TP53BP1: variants seen among roughly 807,000 people sequenced by gnomAD.
The protein encoded by TP53BP1 is tumor protein p53 binding protein 1.
A neutral mutation model predicts 200.8 loss-of-function variants in TP53BP1; 61 were observed. The ratio of observed to expected loss-of-function variants is 0.30; its 90% CI spans 0.25 to 0.38. The LOEUF (loss-of-function observed/expected upper bound fraction) is 0.38, where lower values mean the gene tolerates loss of function less well. TP53BP1 is among the 10% of genes least tolerant of loss of function. TP53BP1 has a pLI of 1.00. For synonymous variants in TP53BP1, 822 were observed against 844.3 expected (o/e 0.97, Z 0.46); for missense variants, 2,144 against 2,371.9 (o/e 0.90, Z 2.00).
Position 43,455,966 on chromosome 15 carries a change from C to A in TP53BP1, c.2642G>T (p.Ser881Ile). Residue 881 changes from serine (S) to isoleucine (I), a missense_variant, in exon 12 of 28, where the codon AGC becomes ATC. Ser to Ile is a moderately radical substitution (Grantham distance 142, BLOSUM62 -2). Transcript: ENST00000382044. ...CAGCTTCTGGGCCTCTGCATCTGAG[C>A]TTAGCTGCTTTGCATTAGCCATTTT... is the stretch of plus-strand genomic sequence containing the variant. ...DSKMANAKQL[S>I]SDAEAQKLGK... The A allele has an allele frequency of 1.2e-6, 2 of 1,614,180 alleles. No homozygotes were observed. The highest frequency in any genetic ancestry group is 1.7e-6 in the Non-Finnish European group (2 of 1,180,038).
At chr15:43,479,818 A>G (rs1416582764) in intron 6 of TP53BP1, 41 bp downstream of exon 6, 1 of 1,607,598 alleles carries the variant, frequency 6.2e-7, no homozygotes, top group Non-Finnish European at 8.5e-7. Flanking sequence ...AATATGGGAG[A>G]AAACACAACA....
intron 11 of TP53BP1, among the ~76,000 whole-genome samples, chr15:43,459,344 A>C (rs987097172): frequency 6.6e-6 from 1 of 152,188 alleles, no homozygotes; most frequent in African/African-American, 2.4e-5. Context: ...CTCCAAAAAA[A>C]AGATGTGCAA....
At chr15:43,421,354 A>T (rs956423641) in intron 19 of TP53BP1, among the ~76,000 whole-genome samples, 180 bp from the exon 20 acceptor site, 2 of 152,178 alleles carry the variant, frequency 1.3e-5, no homozygotes, top group African/African-American at 4.8e-5. Flanking sequence ...AGCGTGGGAT[A>T]ACAAGTAAAG....
chr15:43,455,962 T>A lies in TP53BP1; in HGVS notation c.2646A>T (p.Ser882=). ...TCCCCAGCTTCTGGGCCTCTGCATC[T>A]GAGCTTAGCTGCTTTGCATTAGCCA... is the stretch of plus-strand genomic sequence containing the variant. The part of the protein sequence containing the change: ...SKMANAKQLS[S]DAEAQKLGKP... The change falls in exon 12 of 28, where the codon TCA becomes TCT. Residue 882 remains serine (S), a synonymous_variant. Transcript: ENST00000382044. The A allele has an allele frequency of 6.2e-7, 1 of 1,614,194 alleles. No homozygotes were observed. Among genetic ancestry groups the A allele is most frequent in the Non-Finnish European group, 8.5e-7 (1 of 1,180,036 alleles).
chr15:43,435,397 T>C (rs967124408), intron 16 of TP53BP1, among the ~76,000 whole-genome samples: 1 of 151,924 alleles, frequency 6.6e-6, no homozygotes, highest in African/African-American at 2.4e-5. Context: ...CAAATCCAGC[T>C]AGATTCCCAG....
intron 12 of TP53BP1, among the ~76,000 whole-genome samples, chr15:43,452,916 C>T (rs150273818): frequency 5.3e-5 from 8 of 152,130 alleles, no homozygotes; most frequent in African/African-American, 1.7e-4. Context: ...TACTCCAGGC[C>T]GGGCGCGGTG....
At position 43,456,694 on chromosome 15, in the gene TP53BP1, A is replaced by C; in HGVS notation, c.1914T>G (p.Thr638=). Residue 638 remains threonine, a synonymous_variant, in exon 12 of 28, where the codon ACT becomes ACG. Coordinates refer to ENST00000382044, the MANE Select transcript of TP53BP1 (RefSeq NM_001141980.3). ...SGSQAVPSPA[T]RSEALSSVLD... ...ACACACTAGAAAGTGCCTCAGATCG[A>C]GTAGCTGGTGACGGAACTGCCTGAC... is the stretch of plus-strand genomic sequence containing the variant. 1.2e-6 allele frequency: 2 copies of C among 1,614,156 alleles called. No homozygotes were observed. Among genetic ancestry groups the C allele is most frequent in the Non-Finnish European group, 1.7e-6 (2 of 1,180,038 alleles).
intron 11 of TP53BP1, among the ~76,000 whole-genome samples, chr15:43,467,530 T>C (rs1196530095): frequency 1.3e-5 from 2 of 151,776 alleles, no homozygotes; most frequent in East Asian, 3.9e-4. Flanking sequence ...ATTGCTGATT[T>C]TTTAGCTAAT....
In TP53BP1 at chr15:43,498,397, T is replaced by C. The variant is rs537884945; in HGVS notation, c.-8-5929A>G. Among the ~76,000 whole-genome samples, 4 of 152,356 alleles carry C rather than the reference T, an allele frequency of 2.6e-5. No homozygotes were observed. The East Asian group carries it at 7.7e-4, about 29-fold the overall frequency. Reference sequence around the variant, plus strand: ...AAAAAGCCATCTGTGTCACTTGATATAATGCACTGAGGATATATCACACTT... The same window carrying C: ...AAAAAGCCATCTGTGTCACTTGATACAATGCACTGAGGATATATCACACTT... On this transcript the variant is annotated intron_variant, in intron 1 of 27. Coordinates refer to the TP53BP1 transcript ENST00000263801.
At chr15:43,429,402 G>A (rs1402294739) in intron 17 of TP53BP1, among the ~76,000 whole-genome samples, 2 of 152,054 alleles carry the variant, frequency 1.3e-5, no homozygotes, top group Non-Finnish European at 1.5e-5. Context: ...CACTAACTCC[G>A]TAATTCTGAA....
intron 6 of TP53BP1, 146 bp from the exon 7 acceptor site, chr15:43,479,672 C>G: frequency 8.6e-7 from 1 of 1,165,618 alleles, no homozygotes; most frequent in Admixed American, 2.7e-5. Context: ...GGAAAGTAAC[C>G]AATAACTTAA....
chr15:43,500,059 C>G (rs1486383537), intron 1 of TP53BP1, among the ~76,000 whole-genome samples: 1 of 152,176 alleles, frequency 6.6e-6, no homozygotes, highest in African/African-American at 2.4e-5. Flanking sequence ...GCTATAAATA[C>G]AATCTATATG....
chr15:43,475,735 C>T (rs370414273), intron 8 of TP53BP1, 41 bp from the exon 9 acceptor site: 1 of 1,610,688 alleles, frequency 6.2e-7, no homozygotes, highest in African/African-American at 1.3e-5. Flanking sequence ...CAGATTGACA[C>T]TACTGAGCTG....
intron 13 of TP53BP1, chr15:43,447,070 A>C: frequency 2.2e-6 from 1 of 461,178 alleles, no homozygotes; most frequent in East Asian, 5.1e-5. Context: ...TCCTTATAAA[A>C]CATCTCTACA....
At position 43,456,923 on chromosome 15, in the gene TP53BP1, G is replaced by A. The variant is rs2143010383; in HGVS notation, c.1685C>T (p.Ser562Phe). 6.2e-7 allele frequency: 1 copy of A among 1,614,088 alleles called. No homozygotes were observed. The highest frequency in any genetic ancestry group is 1.1e-5 in the South Asian group (1 of 91,082). ...ATCATTTTCAGCAGGAACAAATTTA[G>A]AATTGAGAACTGGAGACATGGGTTC... Reference protein sequence around the residue: ...DTEPMSPVLNSKFVPAENDSI... With the variant: ...DTEPMSPVLNFKFVPAENDSI... The change falls in exon 12 of 28, where the codon TCT becomes TTT. Residue 562 changes from serine to phenylalanine, a missense_variant. By Grantham distance (155) the Ser-to-Phe change is radical. This residue lies in a region of TP53BP1 where 1,700 missense variants were observed against 1,710.3 expected (regional missense o/e 0.99). Coordinates refer to ENST00000382044, the MANE Select transcript of TP53BP1 (RefSeq NM_001141980.3).
intron 4 of TP53BP1, among the ~76,000 whole-genome samples, chr15:43,481,813 CAAAAA>C (rs34854110): frequency 2.7e-5 from 3 of 111,720 alleles, no homozygotes; most frequent in African/African-American, 3.0e-5. Flanking sequence ...GACTCTGTCT[CAAAAA>C]AAAAAAAAAA....
rs766355135 is a variant in TP53BP1, at chr15:43,493,068, G to A, written c.-25C>T. 2 of 1,612,516 alleles carry A rather than the reference G, an allele frequency of 1.2e-6. No homozygotes were observed. Among genetic ancestry groups the A allele is most frequent in the Admixed American group, 1.7e-5 (1 of 59,912 alleles). ...TCCCGGCGGGAGGTCCCTCGCGCTCGAGCTAGAGGTCTCTGCACGCTCCCC... is the reference window on the plus strand; with the variant it reads ...TCCCGGCGGGAGGTCCCTCGCGCTCAAGCTAGAGGTCTCTGCACGCTCCCC... On this transcript the variant is annotated 5_prime_UTR_variant, in exon 1 of 28. Transcript: ENST00000382044.
rs111925502 is a variant in TP53BP1 at position 43,446,248 on chromosome 15, A to G, written c.3040+139T>C. On this transcript the variant is annotated intron_variant, in intron 14 of 27. Transcript: ENST00000382044. ...GTAACATGACAGGCTGGCCAAAAGC[A>G]AAGAATTAAATCTATGAGTGTAAGA... is the stretch of plus-strand genomic sequence containing the variant. The G allele has an allele frequency of 4.2e-5, 29 of 692,876 alleles. 1 individual carries two copies. In the South Asian group the frequency reaches 5.5e-4, roughly 13 times the overall value. The allele number at this position is 692,876 out of a possible 1,614,324, so 42.9% of individuals were successfully genotyped here.
At chr15:43,421,652 A>T in intron 19 of TP53BP1, 1 of 701,730 alleles carries the variant, frequency 1.4e-6, no homozygotes, top group Non-Finnish European at 2.3e-6. Flanking sequence ...CTGCTTTGCC[A>T]ATGAAGTCTA....
Sources: allele counts gnomAD v4.1 joint callset (sites outside exome capture counted in the v4.1 genomes callset), GRCh38; gene constraint gnomAD v4.1.1; regional missense constraint gnomAD v4.1.1; transcripts MANE v1.5; gene names NCBI Gene and HGNC (gene_info 2026-07-23, HGNC 2026-07-21).